CPNE4: variants seen among roughly 807,000 people sequenced by gnomAD.
CPNE4 encodes copine-4.
Under a neutral mutation model 67.9 loss-of-function variants are expected in CPNE4, and 25 were observed. The observed-to-expected ratio is 0.37, with a 90% CI of 0.27 to 0.51. CPNE4 has a LOEUF of 0.51. CPNE4 is among the 20% of genes least tolerant of loss of function. The pLI is 0.93. For missense variants in CPNE4, 464 were observed against 690.8 expected, an observed-to-expected ratio of 0.67 and a Z score of 3.68; for synonymous variants, 242 against 244.9, an observed-to-expected ratio of 0.99 and a Z score of 0.11.
intron 3 of CPNE4, among the ~76,000 whole-genome samples, chr3:131,710,576 A>G (rs1016291212): frequency 6.6e-6 from 1 of 152,202 alleles, no homozygotes; most frequent in African/African-American, 2.4e-5. Context: ...TATTGAAATC[A>G]GAACAACTTA....
At chr3:131,769,549 A>T (rs2083111381) in intron 2 of CPNE4, among the ~76,000 whole-genome samples, 1 of 152,194 alleles carries the variant, frequency 6.6e-6, no homozygotes, top group African/African-American at 2.4e-5. Context: ...TTCAAGCCGC[A>T]GTGATGATAA....
chr3:131,697,171 T>C (rs1661512259), intron 4 of CPNE4, among the ~76,000 whole-genome samples: 1 of 152,224 alleles, frequency 6.6e-6, no homozygotes. Context: ...ACAAAGATTT[T>C]GGTATAAGTG....
chr3:131,855,598 T>C (rs1280633758), intron 2 of CPNE4, among the ~76,000 whole-genome samples: 1 of 152,008 alleles, frequency 6.6e-6, no homozygotes, highest in Non-Finnish European at 1.5e-5. Flanking sequence ...ATCAGTTCCA[T>C]TGTCTGTCTC....
At chr3:131,651,565 G>A (rs1343080012) in intron 7 of CPNE4, among the ~76,000 whole-genome samples, 2 of 152,224 alleles carry the variant, frequency 1.3e-5, no homozygotes, top group African/African-American at 2.4e-5. Context: ...GCTTTAGGAA[G>A]TCTTAGGAGA....
At chr3:132,010,116 C>T (rs11927949) in intron 1 of CPNE4, among the ~76,000 whole-genome samples, 127,586 of 152,236 alleles carry the variant, frequency 0.84, 54,549 homozygotes, top group Non-Finnish European at 0.93. Context: ...CTATAAGTTC[C>T]GAGTTTAAAT....
intron 1 of CPNE4, among the ~76,000 whole-genome samples, chr3:131,906,209 T>TG (rs113828399): frequency 0.22 from 24,389 of 112,126 alleles, 2,751 homozygotes; most frequent in African/African-American, 0.38. Context: ...TTTGTTTTTT[T>TG]TTGTTGTTGT....
intron 2 of CPNE4, among the ~76,000 whole-genome samples, chr3:131,822,158 C>T (rs58932469): frequency 0.032 from 4,818 of 152,160 alleles, 183 homozygotes; most frequent in South Asian, 0.095. Flanking sequence ...CAACTGTGTA[C>T]AATAAAATTT....
At chr3:131,628,670 C>T (rs1253951290) in intron 7 of CPNE4, among the ~76,000 whole-genome samples, 1 of 152,220 alleles carries the variant, frequency 6.6e-6, no homozygotes, top group Non-Finnish European at 1.5e-5. Flanking sequence ...TCTAGATTTT[C>T]TAGTTTATTT....
At chr3:131,933,025 C>T (rs2071117206) in intron 1 of CPNE4, among the ~76,000 whole-genome samples, 1 of 152,052 alleles carries the variant, frequency 6.6e-6, no homozygotes, top group Non-Finnish European at 1.5e-5. Context: ...AAAAGAATAG[C>T]ATGCAAAGTC....
In CPNE4 at chr3:131,981,436, G is replaced by A. The variant is rs1176128031; in HGVS notation, c.-2+53131C>T. On this transcript the variant is annotated intron_variant, in intron 1 of 15. Transcript: ENST00000429747. ...TTGTGTATGTAGGCGGATTATGGCC[G>A]CCTCTTCTGAGTCACGCAGGTTGTC... Among the ~76,000 whole-genome samples, 8 of 152,126 alleles carry A rather than the reference G, an allele frequency of 5.3e-5. No homozygotes were observed. In the South Asian group the frequency reaches 1.2e-3, roughly 24 times the overall value.
chr3:131,985,897 C>T (rs934910777), intron 1 of CPNE4: 2 of 154,028 alleles, frequency 1.3e-5, no homozygotes, highest in African/African-American at 2.4e-5. Context: ...TGCCCATGGA[C>T]TTAGCATAAT....
chr3:131,670,019 TG>T (rs1560085979), intron 6 of CPNE4, among the ~76,000 whole-genome samples: 1 of 152,186 alleles, frequency 6.6e-6, no homozygotes, highest in Non-Finnish European at 1.5e-5. Flanking sequence ...TTCCAGCATG[TG>T]GATGCTGAGA....
chr3:131,954,906 T>A (rs2071895792), intron 1 of CPNE4, among the ~76,000 whole-genome samples: 1 of 151,582 alleles, frequency 6.6e-6, no homozygotes, highest in Non-Finnish European at 1.5e-5. Context: ...TGATGGACAT[T>A]TGGGTTGGTT....
chr3:132,022,575 AAAT>A (rs57385613), intron 1 of CPNE4, among the ~76,000 whole-genome samples: 100,602 of 142,916 alleles, frequency 0.7, 34,410 homozygotes, highest in Middle Eastern at 0.77. Flanking sequence ...TACAAAAAAA[AAAT>A]AATAATAATA....
rs545886345 is a variant in CPNE4 at position 131,901,027 on chromosome 3, T to A, written c.180+4237A>T. Among the ~76,000 whole-genome samples the A allele has an allele frequency of 2.0e-5, 3 of 152,164 alleles. No homozygotes were observed. The East Asian group carries it at 5.8e-4, about 29-fold the overall frequency. On this transcript the variant is annotated intron_variant, in intron 2 of 15. Coordinates refer to ENST00000429747, the MANE Select transcript of CPNE4 (RefSeq NM_130808.3). ...ACCACCTAGAAGTTTGGAGTATAATTTGGGTGTTCCCAATGAGAACAAGTA... is the reference window on the plus strand; with the variant it reads ...ACCACCTAGAAGTTTGGAGTATAATATGGGTGTTCCCAATGAGAACAAGTA...
chr3:131,765,485 C>A (rs1013430381), intron 2 of CPNE4, among the ~76,000 whole-genome samples: 4 of 152,052 alleles, frequency 2.6e-5, no homozygotes. Flanking sequence ...TAAATTCTTC[C>A]CAGTCCCAAC....
At chr3:131,650,676 C>T (rs965902644) in intron 7 of CPNE4, among the ~76,000 whole-genome samples, 7 of 116,764 alleles carry the variant, frequency 6.0e-5, no homozygotes, top group Admixed American at 2.3e-4. Flanking sequence ...ACCCGGGAGG[C>T]GGAGCTTGCA....
At chr3:131,592,202 G>A (rs574309367) in intron 7 of CPNE4, among the ~76,000 whole-genome samples, 8 of 152,254 alleles carry the variant, frequency 5.3e-5, no homozygotes, top group African/African-American at 1.4e-4. Context: ...TATATAGTGC[G>A]TACTATGTGC....
chr3:131,842,750 G>T (rs916669493), intron 2 of CPNE4, among the ~76,000 whole-genome samples: 1 of 117,838 alleles, frequency 8.5e-6, no homozygotes, highest in Non-Finnish European at 1.8e-5. Flanking sequence ...AAAAAAAAAA[G>T]AAAAAGCCAT....
Sources: allele counts gnomAD v4.1 joint callset (sites outside exome capture counted in the v4.1 genomes callset), GRCh38; gene constraint gnomAD v4.1.1; transcripts MANE v1.5; gene names NCBI Gene and HGNC (gene_info 2026-07-23, HGNC 2026-07-21).